Variants in KLHL6 observed in about 807,000 individuals in gnomAD.
KLHL6 encodes kelch-like protein 6.
Under a neutral mutation model 58.6 loss-of-function variants are expected in KLHL6, and 41 were observed. The observed-to-expected ratio is 0.70, with a 90% CI of 0.55 to 0.91. KLHL6 has a LOEUF of 0.91. KLHL6 is among the 40% of genes least tolerant of loss of function. The pLI is 0.00. For synonymous variants in KLHL6, 338 were observed against 322.7 expected (o/e 1.05, Z -0.51); for missense variants, 714 against 805.6 (o/e 0.89, Z 1.38).
intron 1 of KLHL6, chr3:183,544,933 G>T (rs1712672170): frequency 6.6e-6 from 1 of 152,156 alleles, no homozygotes. Flanking sequence ...TTTCCCAGGG[G>T]TTTTTCAAGC....
At chr3:183,528,253 A>G (rs1712044342) in intron 1 of KLHL6, among the ~76,000 whole-genome samples, 1 of 152,102 alleles carries the variant, frequency 6.6e-6, no homozygotes, top group Non-Finnish European at 1.5e-5. Context: ...TCAGTCCCAG[A>G]TCTATTTTAT....
intron 2 of KLHL6, among the ~76,000 whole-genome samples, chr3:183,515,093 G>A (rs1042854947): frequency 1.3e-5 from 2 of 152,186 alleles, no homozygotes; most frequent in African/African-American, 4.8e-5. Context: ...GAACTTAGTT[G>A]GCAGGGGACA....
At chr3:183,554,871 TA>T (rs201257863) in intron 1 of KLHL6, among the ~76,000 whole-genome samples, 1,706 of 152,298 alleles carry the variant, frequency 0.011, 25 homozygotes, top group African/African-American at 0.039. Context: ...TCCTAAAATT[TA>T]AAGTGTGATA....
chr3:183,540,929 C>A (rs1473706822), intron 1 of KLHL6, among the ~76,000 whole-genome samples: 1 of 152,188 alleles, frequency 6.6e-6, no homozygotes. Context: ...TTTGCGCTCG[C>A]CGTCCACCAC....
chr3:183,553,134 G>A (rs1374335228), intron 1 of KLHL6, among the ~76,000 whole-genome samples: 3 of 152,172 alleles, frequency 2.0e-5, no homozygotes, highest in Non-Finnish European at 2.9e-5. Flanking sequence ...AAGAGAAGAA[G>A]CAAAAGTCAC....
At chr3:183,495,188 A>T (rs1876702) in intron 4 of KLHL6, among the ~76,000 whole-genome samples, 87,597 of 152,098 alleles carry the variant, frequency 0.58, 26,729 homozygotes, top group East Asian at 0.79. Context: ...AAGTGGGTTT[A>T]CTAAGTCAAA....
chr3:183,519,515 C>T (rs1397095253), intron 2 of KLHL6, among the ~76,000 whole-genome samples: 1 of 152,158 alleles, frequency 6.6e-6, no homozygotes, highest in African/African-American at 2.4e-5. Context: ...ATTGATTAAA[C>T]TTTCCTGTGT....
rs1207630715 is a variant in KLHL6 at position 183,490,197 on chromosome 3, A to G, written c.*1730T>C. 1.3e-5 allele frequency: 2 copies of G among 152,122 alleles called. No individual in the cohort carries two copies. The highest frequency in any genetic ancestry group is 2.9e-5 in the Non-Finnish European group (2 of 68,032). The allele number at this position is 152,122 out of a possible 1,614,324, so 9.4% of individuals were successfully genotyped here. On this transcript the variant is annotated 3_prime_UTR_variant, in exon 7 of 7. Transcript: ENST00000341319. Reference sequence around the variant, plus strand: ...ACAATTGAGCTACACTGATCAAAAAACCAAGTAGAAGTGCTTTTTAAAAGT... The same window carrying G: ...ACAATTGAGCTACACTGATCAAAAAGCCAAGTAGAAGTGCTTTTTAAAAGT...
chr3:183,526,171 C>T lies in KLHL6; in HGVS notation c.459+1674G>A, dbSNP rs185439841. Among the ~76,000 whole-genome samples, 478 of 152,036 alleles carry T rather than the reference C, an allele frequency of 3.1e-3. 8 individuals carry two copies. Among genetic ancestry groups the T allele is most frequent in the African/African-American group, 0.011 (437 of 41,460 alleles). ...AAAAATACAAAAAAAATTAGCCGGG[C>T]GTGGTGGCACATGCCTGTAATCCCA... On this transcript the variant is annotated intron_variant, in intron 2 of 6. Coordinates refer to ENST00000341319, the MANE Select transcript of KLHL6 (RefSeq NM_130446.4).
At position 183,499,427 on chromosome 3, in the gene KLHL6, C is replaced by T. The variant is rs1299002615; in HGVS notation, c.1147+163G>A. 6.6e-6 allele frequency among the ~76,000 whole-genome samples: 1 copy of T among 152,194 alleles called. No individual in the cohort carries two copies. The highest frequency in any genetic ancestry group is 1.9e-4 in the East Asian group (1 of 5,194). On this transcript the variant is annotated intron_variant, in intron 4 of 6. Coordinates refer to ENST00000341319, the MANE Select transcript of KLHL6 (RefSeq NM_130446.4). The surrounding 1 kb of genome is among the most constrained non-coding windows in gnomAD (Gnocchi z 4.6). ...TGTTTATTAAGTAGCAATGTACTCT[C>T]CAAGATAAGACCACCTGAGCTCCTG...
At chr3:183,543,177 C>T (rs1043707462) in intron 1 of KLHL6, among the ~76,000 whole-genome samples, 1 of 152,000 alleles carries the variant, frequency 6.6e-6, no homozygotes, top group South Asian at 2.1e-4. Context: ...ATCCCAGCTA[C>T]TCTGGAGGCT....
intron 2 of KLHL6, 137 bp from the exon 3 acceptor site, chr3:183,508,645 T>A: frequency 1.5e-6 from 1 of 672,210 alleles, no homozygotes; most frequent in Non-Finnish European, 2.5e-6. Context: ...TAAATACATA[T>A]AATTCATTCA....
chr3:183,492,439 G>C lies in KLHL6; in HGVS notation c.1564+55C>G. 1 of 1,581,306 alleles carries C rather than the reference G, an allele frequency of 6.3e-7. No homozygotes were observed. Among genetic ancestry groups the C allele is most frequent in the Non-Finnish European group, 8.7e-7 (1 of 1,151,466 alleles). ...CGCGACACACCGTTTACGTGCTGCA[G>C]CCAGGCGCTCATCAGGTTCTAAGCC... On this transcript the variant is annotated intron_variant, in intron 6 of 6. Coordinates refer to ENST00000341319, the MANE Select transcript of KLHL6 (RefSeq NM_130446.4). This position sits in a 1 kb window ranked among gnomAD's most constrained non-coding sequence, Gnocchi z 5.9.
At position 183,489,989 on chromosome 3, in the gene KLHL6, T is replaced by G. The variant is rs1197033146; in HGVS notation, c.*1938A>C. ...TATAAAGAGAATTGAAATCATATGA[T>G]GAAAATAAAGTCCATTGGGTAACGC... On this transcript the variant is annotated 3_prime_UTR_variant, in exon 7 of 7. Coordinates refer to ENST00000341319, the MANE Select transcript of KLHL6 (RefSeq NM_130446.4). The G allele has an allele frequency of 6.6e-6, 1 of 152,194 alleles. No homozygotes were observed. Among genetic ancestry groups the G allele is most frequent in the East Asian group, 1.9e-4 (1 of 5,202 alleles). The allele number at this position is 152,194 out of a possible 1,614,324, so 9.4% of individuals were successfully genotyped here.
At chr3:183,508,797 A>T (rs1359048674) in intron 2 of KLHL6, among the ~76,000 whole-genome samples, 1 of 152,252 alleles carries the variant, frequency 6.6e-6, no homozygotes, top group Non-Finnish European at 1.5e-5. Context: ...TAAAACAATG[A>T]GACACTTACG....
chr3:183,503,519 C>G (rs1333703473), intron 3 of KLHL6, among the ~76,000 whole-genome samples: 1 of 152,202 alleles, frequency 6.6e-6, no homozygotes, highest in Non-Finnish European at 1.5e-5. Context: ...GTGGCTCACA[C>G]CTGTAATCCC....
At chr3:183,529,408 T>C (rs1170885498) in intron 1 of KLHL6, among the ~76,000 whole-genome samples, 5 of 152,216 alleles carry the variant, frequency 3.3e-5, no homozygotes, top group Non-Finnish European at 7.3e-5. Context: ...ATTTAAACTG[T>C]TGGTCCTTCC....
At chr3:183,502,658 G>A (rs772905429) in intron 3 of KLHL6, among the ~76,000 whole-genome samples, 5 of 152,182 alleles carry the variant, frequency 3.3e-5, no homozygotes, top group Non-Finnish European at 5.9e-5. Context: ...GCAAGGATCT[G>A]ATGCCTGCCA....
chr3:183,501,908 T>C (rs1284724236), intron 3 of KLHL6, among the ~76,000 whole-genome samples: 3 of 152,190 alleles, frequency 2.0e-5, no homozygotes, highest in Admixed American at 6.5e-5. Flanking sequence ...GTAAGGCCCC[T>C]GATGGCAGGA....
Sources: allele counts gnomAD v4.1 joint callset (sites outside exome capture counted in the v4.1 genomes callset), GRCh38; gene constraint gnomAD v4.1.1; non-coding constraint Gnocchi (gnomAD v3.1); transcripts MANE v1.5; gene names NCBI Gene and HGNC (gene_info 2026-07-23, HGNC 2026-07-21).